Variants in NOX4 observed in about 807,000 individuals in gnomAD.
NOX4 encodes NADPH oxidase 4, also known as kidney oxidase-1.
A neutral mutation model predicts 87.6 loss-of-function variants in NOX4; 69 were observed. That is an observed-to-expected ratio of 0.79 (90% CI 0.65 to 0.96). The LOEUF (loss-of-function observed/expected upper bound fraction) is 0.96, where lower values mean the gene tolerates loss of function less well. Ranked by LOEUF, NOX4 falls within the 40% of genes least tolerant of loss-of-function variation. NOX4 has a pLI of 0.00. For synonymous variants in NOX4, 275 were observed against 238.2 expected, an observed-to-expected ratio of 1.15 and a Z score of -1.42; for missense variants, 680 against 681.5, an observed-to-expected ratio of 1.00 and a Z score of 0.02.
At chr11:89,442,304 T>C (rs1458017875) in intron 5 of NOX4, among the ~76,000 whole-genome samples, 1 of 151,618 alleles carries the variant, frequency 6.6e-6, no homozygotes, top group East Asian at 1.9e-4. Flanking sequence ...TAGTTAGAAG[T>C]GTGAAAACAG....
At chr11:89,423,700 AC>A (rs557088177) in intron 7 of NOX4, among the ~76,000 whole-genome samples, 132 of 152,202 alleles carry the variant, frequency 8.7e-4, no homozygotes, top group African/African-American at 3.0e-3. Flanking sequence ...ATTAAAAAAA[AC>A]AAACAAAATA....
intron 4 of NOX4, among the ~76,000 whole-genome samples, chr11:89,447,493 A>G (rs758789800): frequency 2.0e-5 from 3 of 152,168 alleles, no homozygotes; most frequent in South Asian, 2.1e-4. Context: ...AGCACTTTAC[A>G]TAGATTTTCT....
chr11:89,561,015 T>TATATTATATATATATATATATAC, the NOX4 span, among the ~76,000 whole-genome samples: 1 of 80,532 alleles, frequency 1.2e-5, no homozygotes, highest in African/African-American at 6.0e-5. Context: ...TATATATATA[T>TATATTATATATATATATATATAC]ATATACATAC....
At chr11:89,582,196 CTTTTT>C in the NOX4 span, among the ~76,000 whole-genome samples, 1 of 152,060 alleles carries the variant, frequency 6.6e-6, no homozygotes, top group African/African-American at 2.4e-5. Flanking sequence ...AATTTCCTTT[CTTTTT>C]AAGGCTGAGT....
At chr11:89,419,583 T>C (rs1942977373) in intron 8 of NOX4, among the ~76,000 whole-genome samples, 1 of 151,932 alleles carries the variant, frequency 6.6e-6, no homozygotes, top group Non-Finnish European at 1.5e-5. Context: ...AATAATTGCT[T>C]TCTTCATTTC....
At chr11:89,476,829 A>G (rs1424266005) in intron 2 of NOX4, among the ~76,000 whole-genome samples, 1 of 152,232 alleles carries the variant, frequency 6.6e-6, no homozygotes, top group Non-Finnish European at 1.5e-5. Flanking sequence ...CCACATAAAT[A>G]GACTTCAAAA....
rs1945171363 is a variant in NOX4, at chr11:89,325,115, C to CTTTGTTTTTTTTTTTTTTTTTTTT, written c.*1640_*1641insAAAAAAAAAAAAAAAAAAAACAAA. On this transcript the variant is annotated 3_prime_UTR_variant, in exon 18 of 18. Transcript: ENST00000263317. ...ACTAAACTGTATGAATGCTTTAATT[C>CTTTGTTTTTTTTTTTTTTTTTTTT]TTTTTTTTTTTTTTTTTTTTTTTTT... The CTTTGTTTTTTTTTTTTTTTTTTTT allele has an allele frequency of 1.3e-5, 1 of 76,332 alleles. No homozygotes were observed. Among genetic ancestry groups the CTTTGTTTTTTTTTTTTTTTTTTTT allele is most frequent in the Non-Finnish European group, 2.4e-5 (1 of 42,162 alleles). The allele number at this position is 76,332 out of a possible 1,614,324, so 4.7% of individuals were successfully genotyped here. A position where few individuals can be genotyped will look rare whatever the true frequency, so the allele number is the denominator to read the frequency against.
chr11:89,371,108 T>C (rs750689235), intron 12 of NOX4, among the ~76,000 whole-genome samples: 2 of 152,180 alleles, frequency 1.3e-5, no homozygotes, highest in East Asian at 1.9e-4. Flanking sequence ...TAAAAACCAA[T>C]GATTCTTGAT....
the NOX4 span, among the ~76,000 whole-genome samples, chr11:89,578,561 A>G: frequency 6.6e-6 from 1 of 152,186 alleles, no homozygotes; most frequent in Non-Finnish European, 1.5e-5. Flanking sequence ...ATAAACTAAT[A>G]TATGGAAAGA....
intron 8 of NOX4, among the ~76,000 whole-genome samples, chr11:89,420,184 C>T (rs1425824722): frequency 6.6e-6 from 1 of 152,136 alleles, no homozygotes. Flanking sequence ...TCTTTCTAAA[C>T]ATCAGTGTTC....
chr11:89,455,002 T>C (rs755966544), intron 2 of NOX4, among the ~76,000 whole-genome samples: 22 of 152,068 alleles, frequency 1.4e-4, no homozygotes, highest in South Asian at 4.1e-4. Context: ...TACTGAAGGA[T>C]ACGGAAGGAT....
rs1426597427 is a variant in NOX4 at position 89,342,079 on chromosome 11, G to C, written c.1332C>G (p.Thr444=). ...AATAGATCAAAATGACATACAACAG[G>C]GTGTTGAGTATTGATGCAAATGGAG... The part of the protein sequence containing the change: ...GVTPFASILN[T]LLDDWKPYKL... Residue 444 remains threonine, a synonymous_variant, in exon 14 of 18, where the codon ACC becomes ACG. Coordinates refer to ENST00000263317, the MANE Select transcript of NOX4 (RefSeq NM_016931.5). The C allele has an allele frequency of 1.2e-6, 2 of 1,610,724 alleles. No homozygotes were observed. The highest frequency in any genetic ancestry group is 1.3e-5 in the African/African-American group (1 of 74,772).
chr11:89,439,620 T>C (rs1466102552), intron 6 of NOX4, among the ~76,000 whole-genome samples: 1 of 152,158 alleles, frequency 6.6e-6, no homozygotes, highest in Non-Finnish European at 1.5e-5. Flanking sequence ...CAATTTATGA[T>C]AGAGCATCTC....
At chr11:89,445,170 A>T (rs1427484244) in intron 4 of NOX4, among the ~76,000 whole-genome samples, 4 of 152,186 alleles carry the variant, frequency 2.6e-5, no homozygotes, top group Non-Finnish European at 4.4e-5. Flanking sequence ...GGTGACAGAA[A>T]CAAAAGGCTT....
upstream of NOX4, among the ~76,000 whole-genome samples, chr11:89,493,809 T>G (rs370706424): frequency 6.6e-6 from 1 of 151,418 alleles, no homozygotes; most frequent in Non-Finnish European, 1.5e-5. Context: ...GAGTGCAATG[T>G]CGTAATCTCG....
intron 13 of NOX4, among the ~76,000 whole-genome samples, chr11:89,350,879 A>G (rs1484691329): frequency 6.6e-6 from 1 of 152,168 alleles, no homozygotes; most frequent in East Asian, 1.9e-4. Flanking sequence ...GAGACAAAAC[A>G]ATATTGAATT....
the NOX4 span, among the ~76,000 whole-genome samples, chr11:89,503,206 T>G: frequency 6.6e-6 from 1 of 151,962 alleles, no homozygotes; most frequent in African/African-American, 2.4e-5. Flanking sequence ...AATTTTCAGT[T>G]GCAAATGCTA....
At chr11:89,448,451 A>C (rs1368451604) in intron 4 of NOX4, among the ~76,000 whole-genome samples, 1 of 152,184 alleles carries the variant, frequency 6.6e-6, no homozygotes, top group Non-Finnish European at 1.5e-5. Context: ...TTTATTTCTT[A>C]ATTTGGAAAA....
intron 8 of NOX4, among the ~76,000 whole-genome samples, chr11:89,421,043 G>A (rs1230836729): frequency 6.6e-6 from 1 of 152,168 alleles, no homozygotes; most frequent in African/African-American, 2.4e-5. Flanking sequence ...TTATCTTAGA[G>A]TTGCTACATG....
Sources: gnomAD v4.1 joint callset for allele counts (sites outside exome capture counted in the v4.1 genomes callset) on GRCh38, gnomAD v4.1.1 for gene constraint, MANE v1.5 for transcripts, NCBI Gene and HGNC (gene_info 2026-07-23, HGNC 2026-07-21) for gene names.